The following LIN7A variants were observed in gnomAD, a reference collection of about 807,000 sequenced individuals.
LIN7A encodes the protein lin-7 cell polarity scaffold A, also known as protein lin-7 homolog A.
LIN7A carries 25 observed loss-of-function variants against 29.8 expected under a neutral mutation model. That is an observed-to-expected ratio of 0.84 (90% confidence interval 0.61 to 1.17). The LOEUF is 1.17. Ranked by LOEUF, LIN7A falls within the 50% of genes most tolerant of loss-of-function variation. LIN7A has a pLI of 0.00. For synonymous variants in LIN7A, 118 were observed against 107.5 expected (o/e 1.10, Z -0.60); for missense variants, 239 against 287.0 (o/e 0.83, Z 1.21).
chr12:80,815,778 G>T (rs539546702), intron 4 of LIN7A, among the ~76,000 whole-genome samples: 1 of 152,256 alleles, frequency 6.6e-6, no homozygotes, highest in South Asian at 2.1e-4. Context: ...CTTGCTTTAA[G>T]AGTTTTGTTG....
chr12:80,907,184 T>C (rs1473869774), intron 1 of LIN7A, among the ~76,000 whole-genome samples: 1 of 151,900 alleles, frequency 6.6e-6, no homozygotes, highest in African/African-American at 2.4e-5. Context: ...CTGTGGGTGA[T>C]AATTACCATA....
chr12:80,917,624 A>G (rs1877091980), intron 1 of LIN7A, among the ~76,000 whole-genome samples: 1 of 152,112 alleles, frequency 6.6e-6, no homozygotes, highest in South Asian at 2.1e-4. Context: ...TTTTTAAATA[A>G]TCTTTTTTCA....
intron 2 of LIN7A, among the ~76,000 whole-genome samples, chr12:80,882,901 A>C (rs1440913486): frequency 6.6e-6 from 1 of 152,198 alleles, no homozygotes; most frequent in Non-Finnish European, 1.5e-5. Flanking sequence ...AGATCACAGA[A>C]ATTAAGTAAC....
chr12:80,869,400 A>G (rs1874312454), intron 2 of LIN7A, among the ~76,000 whole-genome samples: 1 of 152,112 alleles, frequency 6.6e-6, no homozygotes, highest in Non-Finnish European at 1.5e-5. Flanking sequence ...ACTTCTAACC[A>G]GCTCAAACTG....
chr12:80,888,783 G>A (rs945458758), intron 2 of LIN7A, among the ~76,000 whole-genome samples: 1 of 152,214 alleles, frequency 6.6e-6, no homozygotes, highest in Admixed American at 6.5e-5. Flanking sequence ...GGATTACAAT[G>A]TAGATTTGCT....
At chr12:80,880,601 C>T (rs1112503) in intron 2 of LIN7A, among the ~76,000 whole-genome samples, 2 of 152,134 alleles carry the variant, frequency 1.3e-5, no homozygotes, top group Non-Finnish European at 2.9e-5. Context: ...CAATATGTCT[C>T]TATGAAAAGT....
chr12:80,844,741 A>G (rs952137093), intron 4 of LIN7A, among the ~76,000 whole-genome samples: 20 of 151,452 alleles, frequency 1.3e-4, no homozygotes, highest in African/African-American at 4.9e-4. Context: ...GCAACTCCTT[A>G]TTACAAGTGG....
intron 1 of LIN7A, among the ~76,000 whole-genome samples, chr12:80,927,815 C>T (rs1320598854): frequency 2.0e-5 from 3 of 152,156 alleles, no homozygotes; most frequent in East Asian, 1.9e-4. Context: ...CCCGTCAACT[C>T]GTCATTTACA....
intron 4 of LIN7A, among the ~76,000 whole-genome samples, chr12:80,820,032 T>C (rs1056809891): frequency 6.6e-6 from 1 of 152,242 alleles, no homozygotes; most frequent in Non-Finnish European, 1.5e-5. Flanking sequence ...AATCCACTGC[T>C]GTTAATCATC....
intron 4 of LIN7A, among the ~76,000 whole-genome samples, chr12:80,833,323 C>CTT (rs1286549457): frequency 2.0e-5 from 3 of 152,180 alleles, no homozygotes; most frequent in Non-Finnish European, 4.4e-5. Context: ...TATTCTTCAC[C>CTT]TTGCATATCC....
In LIN7A at chr12:80,808,028, G is replaced by A. The variant is rs141815964; in HGVS notation, c.*3437C>T. Among the ~76,000 whole-genome samples the A allele has an allele frequency of 6.2e-3, 944 of 152,250 alleles. 8 individuals carry two copies. Among genetic ancestry groups the A allele is most frequent in the African/African-American group, 0.018 (731 of 41,544 alleles). ...CTAACTTCCCTCAGTGGCTCACAAAGCTCTCTGTGACCTGGTCCCCAGCTA... is the reference window on the plus strand; with the variant it reads ...CTAACTTCCCTCAGTGGCTCACAAAACTCTCTGTGACCTGGTCCCCAGCTA... On this transcript the variant is annotated intron_variant, in intron 5 of 5. Coordinates refer to ENST00000552864, the MANE Select transcript of LIN7A (RefSeq NM_004664.4).
intron 2 of LIN7A, among the ~76,000 whole-genome samples, chr12:80,863,124 T>A (rs1354405634): frequency 6.6e-6 from 1 of 152,210 alleles, no homozygotes; most frequent in Non-Finnish European, 1.5e-5. Context: ...GGGCTTTAGC[T>A]CTCCTGCATG....
chr12:80,863,293 A>G (rs1206727139), intron 2 of LIN7A, among the ~76,000 whole-genome samples: 1 of 152,238 alleles, frequency 6.6e-6, no homozygotes, highest in Non-Finnish European at 1.5e-5. Context: ...CTTGTAGATT[A>G]AACTAGATAA....
chr12:80,825,342 T>C (rs975489256), intron 4 of LIN7A, among the ~76,000 whole-genome samples: 1 of 152,228 alleles, frequency 6.6e-6, no homozygotes, highest in Non-Finnish European at 1.5e-5. Context: ...TATCTCCTTC[T>C]GCCACTGCAG....
chr12:80,843,778 A>C (rs1213148437), intron 4 of LIN7A, among the ~76,000 whole-genome samples: 1 of 152,130 alleles, frequency 6.6e-6, no homozygotes, highest in Non-Finnish European at 1.5e-5. Context: ...AATCATATGA[A>C]TATTGAGTGG....
intron 4 of LIN7A, among the ~76,000 whole-genome samples, chr12:80,844,143 C>A (rs1355402804): frequency 2.6e-5 from 4 of 151,958 alleles, no homozygotes; most frequent in African/African-American, 7.3e-5. Flanking sequence ...CTATGTGACG[C>A]AATTGTGTGA....
chr12:80,832,811 C>T (rs1042163633), intron 4 of LIN7A, among the ~76,000 whole-genome samples: 9 of 152,106 alleles, frequency 5.9e-5, no homozygotes, highest in Non-Finnish European at 1.0e-4. Flanking sequence ...GAACTGTTTT[C>T]ATGAAAATGA....
intron 4 of LIN7A, among the ~76,000 whole-genome samples, chr12:80,820,630 T>TACACACACGCACACAC (rs1555222247): frequency 3.4e-5 from 5 of 147,426 alleles, no homozygotes; most frequent in Non-Finnish European, 7.5e-5. Context: ...GAAGATTAAA[T>TACACACACGCACACAC]ACACACACAC....
intron 4 of LIN7A, among the ~76,000 whole-genome samples, chr12:80,832,097 T>G (rs1156336634): frequency 6.6e-6 from 1 of 152,144 alleles, no homozygotes; most frequent in African/African-American, 2.4e-5. Context: ...AGAAGAGTGG[T>G]GAGGCTTTGG....
Sources: allele counts gnomAD v4.1 joint callset (sites outside exome capture counted in the v4.1 genomes callset), GRCh38; gene constraint gnomAD v4.1.1; transcripts MANE v1.5; gene names NCBI Gene and HGNC (gene_info 2026-07-23, HGNC 2026-07-21).